Variants in POU6F2 observed in about 807,000 individuals in gnomAD.
POU6F2 encodes POU class 6 homeobox 2.
In POU6F2, 31 loss-of-function variants were observed where a neutral mutation model predicts 71.3. The observed-to-expected ratio is 0.43, with a 90% CI of 0.33 to 0.59. The LOEUF (loss-of-function observed/expected upper bound fraction) is 0.59. POU6F2 is among the 20% of genes least tolerant of loss of function. The pLI is 0.04. For synonymous variants in POU6F2, 347 were observed against 355.7 expected (o/e 0.98, Z 0.27); for missense variants, 783 against 856.8 (o/e 0.91, Z 1.07).
chr7:39,338,806 T>C (rs1454081871), intron 4 of POU6F2, among the ~76,000 whole-genome samples: 1 of 152,238 alleles, frequency 6.6e-6, no homozygotes, highest in African/African-American at 2.4e-5. Flanking sequence ...TACATGGGCA[T>C]GTGAGAACAA....
At position 39,423,106 on chromosome 7, in the gene POU6F2, T is replaced by C. The variant is rs113976411; in HGVS notation, c.1114-9971T>C. 1.0e-2 allele frequency among the ~76,000 whole-genome samples: 1,522 copies of C among 152,346 alleles called. 28 individuals are homozygous for C. The highest frequency in any genetic ancestry group is 0.034 in the African/African-American group (1,415 of 41,576). On this transcript the variant is annotated intron_variant, in intron 6 of 9. Coordinates refer to ENST00000518318, the MANE Select transcript of POU6F2 (RefSeq NM_001370959.1). ...TCGGCTGTCCAGCAGCAAACACATC[T>C]GAGCATGTAATTGGTCTTCAAAAGG...
At chr7:39,000,530 GACACACACACACAC>G (rs5883670) in intron 1 of POU6F2, among the ~76,000 whole-genome samples, 1 of 141,142 alleles carries the variant, frequency 7.1e-6, no homozygotes, top group African/African-American at 2.6e-5. Context: ...CATACCCACA[GACACACACACACAC>G]ACACACACAC....
intron 2 of POU6F2, among the ~76,000 whole-genome samples, chr7:39,193,089 C>T (rs1004261603): frequency 1.3e-5 from 2 of 152,206 alleles, no homozygotes; most frequent in Admixed American, 1.3e-4. Context: ...ACCTGAGCAT[C>T]TGCCTTTCTC....
Position 39,075,956 on chromosome 7 carries a change from A to G in POU6F2, c.106-9904A>G, listed in dbSNP as rs1790994095. Among the ~76,000 whole-genome samples, 3 of 152,280 alleles carry G rather than the reference A, an allele frequency of 2.0e-5. No individual in the cohort carries two copies. In the South Asian group the frequency reaches 6.2e-4, roughly 32 times the overall value. On this transcript the variant is annotated intron_variant, in intron 1 of 9. Transcript: ENST00000518318. ...ACATTCTTCCATCTTGTCCTGTGTT[A>G]CAAGTAATGCAGTCACACAAGCTGA...
chr7:39,020,914 T>G (rs921976876), intron 1 of POU6F2, among the ~76,000 whole-genome samples: 4 of 152,080 alleles, frequency 2.6e-5, no homozygotes, highest in Non-Finnish European at 4.4e-5. Context: ...TTTCCTTCTG[T>G]TTCCATTTGC....
intron 2 of POU6F2, among the ~76,000 whole-genome samples, chr7:39,192,832 A>G (rs1793696964): frequency 1.3e-5 from 2 of 152,040 alleles, no homozygotes; most frequent in African/African-American, 2.4e-5. Context: ...TGCTTTTAGT[A>G]CTGCTCAAAT....
intron 1 of POU6F2, among the ~76,000 whole-genome samples, chr7:38,982,885 A>C (rs2116593593): frequency 6.6e-6 from 1 of 152,222 alleles, no homozygotes; most frequent in South Asian, 2.1e-4. Flanking sequence ...GCATGTAATA[A>C]GTTTCCTGCG....
At chr7:39,384,619 C>G (rs554846190) in intron 5 of POU6F2, among the ~76,000 whole-genome samples, 126 of 152,184 alleles carry the variant, frequency 8.3e-4, no homozygotes, top group Non-Finnish European at 1.5e-3. Context: ...CTTGCTGCTC[C>G]CTCTCAGCAC....
At chr7:39,129,084 G>A (rs189278223) in intron 2 of POU6F2, among the ~76,000 whole-genome samples, 2 of 152,290 alleles carry the variant, frequency 1.3e-5, no homozygotes, top group South Asian at 2.1e-4. Flanking sequence ...AGTAAACGGT[G>A]CTGGCAAAGG....
rs373529275 is a variant in POU6F2 at position 39,085,960 on chromosome 7, G to T, written c.206G>T (p.Ser69Ile). 5.6e-6 allele frequency: 9 copies of T among 1,613,772 alleles called. No homozygotes were observed. Among genetic ancestry groups the T allele is most frequent in the Non-Finnish European group, 6.8e-6 (8 of 1,179,808 alleles). Residue 69 changes from serine to isoleucine, a missense_variant, in exon 2 of 10, where the codon AGC becomes ATC. Coordinates refer to ENST00000518318, the MANE Select transcript of POU6F2 (RefSeq NM_001370959.1). ...GAGGACAAGGCTGCTACTTCAGACA[G>T]CGAGCTGAATGAGCCCCTGCTTGCG... ...RGEDKAATSD[S>I]ELNEPLLAPV...
At chr7:39,119,360 T>C (rs1475645779) in intron 2 of POU6F2, among the ~76,000 whole-genome samples, 2 of 152,238 alleles carry the variant, frequency 1.3e-5, no homozygotes, top group Non-Finnish European at 2.9e-5. Flanking sequence ...CTGTCAGAAA[T>C]AATTAAATAT....
intron 5 of POU6F2, among the ~76,000 whole-genome samples, chr7:39,344,034 G>A (rs1562797707): frequency 1.3e-5 from 2 of 152,174 alleles, no homozygotes; most frequent in Non-Finnish European, 2.9e-5. Context: ...TATCCTCAGA[G>A]AGTCACTGCT....
chr7:39,016,553 TC>T (rs564181438), intron 1 of POU6F2, among the ~76,000 whole-genome samples: 12 of 146,350 alleles, frequency 8.2e-5, no homozygotes, highest in Admixed American at 2.1e-4. Context: ...ACAATATAGC[TC>T]CCCCCCCGCT....
intron 1 of POU6F2, among the ~76,000 whole-genome samples, chr7:39,065,681 A>G (rs565470755): frequency 4.0e-4 from 61 of 151,768 alleles, no homozygotes; most frequent in Admixed American, 3.3e-3. Flanking sequence ...CCATTCGGAT[A>G]TACTTGAAAA....
intron 2 of POU6F2, among the ~76,000 whole-genome samples, chr7:39,171,693 C>T (rs1449239029): frequency 6.6e-6 from 1 of 152,182 alleles, no homozygotes; most frequent in Non-Finnish European, 1.5e-5. Context: ...ATAGGACACC[C>T]ATCATTGCTC....
At chr7:39,172,845 T>C (rs868265994) in intron 2 of POU6F2, among the ~76,000 whole-genome samples, 3 of 152,136 alleles carry the variant, frequency 2.0e-5, no homozygotes, top group Non-Finnish European at 4.4e-5. Flanking sequence ...GGTCTTGAAC[T>C]CCTGGGCTCA....
chr7:39,191,724 A>G lies in POU6F2; in HGVS notation c.278-12511A>G, dbSNP rs116240489. Among the ~76,000 whole-genome samples, 450 of 152,388 alleles carry G rather than the reference A, an allele frequency of 3.0e-3. 1 individual carries two copies. Among genetic ancestry groups the G allele is most frequent in the Middle Eastern group, 0.027 (8 of 294 alleles). On this transcript the variant is annotated intron_variant, in intron 2 of 9. Coordinates refer to ENST00000518318, the MANE Select transcript of POU6F2 (RefSeq NM_001370959.1). ...GAGGACAACAAAATAATGCTTTGCT[A>G]AAAGGATAAAAGAATATGACCTAAG...
In POU6F2 at chr7:39,428,123, G is replaced by A. The variant is rs117823802; in HGVS notation, c.1114-4954G>A. 1.1e-4 allele frequency among the ~76,000 whole-genome samples: 16 copies of A among 152,340 alleles called. No individual in the cohort carries two copies. In the East Asian group the frequency reaches 2.9e-3, roughly 28 times the overall value. ...CATTATGGCTTAAGTTATAATAGCT[G>A]CTGAATTAGTGATAGTCACATTTGG... On this transcript the variant is annotated intron_variant, in intron 6 of 9. Transcript: ENST00000518318.
At chr7:39,202,728 A>G (rs1263774227) in intron 2 of POU6F2, among the ~76,000 whole-genome samples, 1 of 152,200 alleles carries the variant, frequency 6.6e-6, no homozygotes, top group Non-Finnish European at 1.5e-5. Context: ...TCTGCACATT[A>G]TGAGGAAGTG....
Sources: allele counts gnomAD v4.1 joint callset (sites outside exome capture counted in the v4.1 genomes callset), GRCh38; gene constraint gnomAD v4.1.1; transcripts MANE v1.5; gene names NCBI Gene and HGNC (gene_info 2026-07-23, HGNC 2026-07-21).